GDAP2: variants seen among roughly 807,000 people sequenced by gnomAD.
The protein encoded by GDAP2 is ganglioside-induced differentiation-associated protein 2.
Under a neutral mutation model 67.0 loss-of-function variants are expected in GDAP2, and 51 were observed. The ratio of observed to expected loss-of-function variants is 0.76; its 90% CI spans 0.61 to 0.96. The LOEUF is 0.96. Ranked by LOEUF, GDAP2 falls within the 40% of genes least tolerant of loss-of-function variation. The probability of loss-of-function intolerance (pLI) is 0.00; values close to 1 mark genes in which losing one functional copy is unlikely to be tolerated. For synonymous variants in GDAP2, 203 were observed against 207.3 expected (o/e 0.98, Z 0.18); for missense variants, 547 against 588.3 (o/e 0.93, Z 0.73).
intron 3 of GDAP2, among the ~76,000 whole-genome samples, chr1:117,917,997 G>C (rs1005978619): frequency 2.6e-5 from 4 of 152,066 alleles, no homozygotes; most frequent in African/African-American, 7.2e-5. Context: ...TTCTTTCATA[G>C]AGCCAGCACT....
chr1:117,885,708 C>T (rs1648828170), intron 10 of GDAP2, among the ~76,000 whole-genome samples: 1 of 152,056 alleles, frequency 6.6e-6, no homozygotes, highest in South Asian at 2.1e-4. Context: ...CAGCTTTTGT[C>T]CAACTGGTTT....
intron 12 of GDAP2, 60 bp downstream of exon 12, chr1:117,881,763 A>G: frequency 4.6e-6 from 4 of 860,862 alleles, no homozygotes; most frequent in Non-Finnish European, 8.0e-6. Flanking sequence ...TATTATCTTA[A>G]TACTCTGGGC....
rs1196261013 is a variant in GDAP2, at chr1:117,863,949, T to C, written c.*6620A>G. The stretch of plus-strand genomic sequence containing the variant: ...CTAATTATTCAATTAATATTATCCC[T>C]GTTGAATACACAAAAACACTGAGGT... On this transcript the variant is annotated 3_prime_UTR_variant, in exon 14 of 14. Transcript: ENST00000369443. 2 of 152,200 alleles carry C rather than the reference T, an allele frequency of 1.3e-5. No homozygotes were observed. The highest frequency in any genetic ancestry group is 2.9e-5 in the Non-Finnish European group (2 of 68,042). The allele number at this position is 152,200 out of a possible 1,614,324, so 9.4% of individuals were successfully genotyped here. A position where few individuals can be genotyped will look rare whatever the true frequency, so the allele number is the denominator to read the frequency against.
chr1:117,919,410 A>G (rs1002557002), intron 2 of GDAP2, among the ~76,000 whole-genome samples: 1 of 152,148 alleles, frequency 6.6e-6, no homozygotes, highest in African/African-American at 2.4e-5. Flanking sequence ...TTTGTACTAT[A>G]ATATAGATGA....
At chr1:117,892,723 A>T (rs1649127874) in intron 8 of GDAP2, among the ~76,000 whole-genome samples, 1 of 152,154 alleles carries the variant, frequency 6.6e-6, no homozygotes, top group African/African-American at 2.4e-5. Flanking sequence ...AATATAAGCC[A>T]GTTTCTTCCA....
chr1:117,873,866 C>T (rs1231153233), intron 13 of GDAP2, among the ~76,000 whole-genome samples: 1 of 152,192 alleles, frequency 6.6e-6, no homozygotes, highest in African/African-American at 2.4e-5. Flanking sequence ...CTTCAAATCC[C>T]TGCCATTATC....
intron 8 of GDAP2, among the ~76,000 whole-genome samples, chr1:117,891,253 G>A (rs1034378750): frequency 7.3e-5 from 11 of 150,940 alleles, no homozygotes; most frequent in African/African-American, 2.7e-4. Flanking sequence ...AACTTGTTTT[G>A]CGTGTCTCCT....
chr1:117,927,139 C>G lies in GDAP2; in HGVS notation c.-68+2309G>C, dbSNP rs189837189. 1.5e-3 allele frequency among the ~76,000 whole-genome samples: 227 copies of G among 152,052 alleles called. 1 individual carries two copies. The highest frequency in any genetic ancestry group is 5.2e-3 in the African/African-American group (215 of 41,498). On this transcript the variant is annotated intron_variant, in intron 1 of 13. Coordinates refer to ENST00000369443, the MANE Select transcript of GDAP2 (RefSeq NM_017686.4). ...TCTTCAGTACTTTAGTGAAGAGGAC[C>G]TAAAGACAAAGATAACCCACTATGT...
At chr1:117,913,972 A>T (rs1218466868) in intron 3 of GDAP2, among the ~76,000 whole-genome samples, 1 of 152,170 alleles carries the variant, frequency 6.6e-6, no homozygotes, top group Non-Finnish European at 1.5e-5. Context: ...GCAGCCAGGA[A>T]GACAGCCCTT....
At position 117,867,411 on chromosome 1, in the gene GDAP2, G is replaced by A. The variant is rs533237218; in HGVS notation, c.*3158C>T. The A allele has an allele frequency of 1.2e-3, 180 of 151,816 alleles. No homozygotes were observed. The highest frequency in any genetic ancestry group is 3.8e-3 in the African/African-American group (158 of 41,362). 9.4% of individuals were successfully genotyped at this position (151,816 alleles called of 1,614,324 possible). ...TCCTTTGAAAAAGGAAATACAGGATGGGCACGGTGGCTCATACTGGTAAGC... is the reference window on the plus strand; with the variant it reads ...TCCTTTGAAAAAGGAAATACAGGATAGGCACGGTGGCTCATACTGGTAAGC... On this transcript the variant is annotated 3_prime_UTR_variant, in exon 14 of 14. Transcript: ENST00000369443.
chr1:117,888,224 G>T (rs941973961), intron 8 of GDAP2, among the ~76,000 whole-genome samples: 1 of 152,112 alleles, frequency 6.6e-6, no homozygotes, highest in Non-Finnish European at 1.5e-5. Flanking sequence ...AAAGGACATG[G>T]TTGCCTCCCT....
intron 8 of GDAP2, among the ~76,000 whole-genome samples, chr1:117,890,960 G>A (rs1649058919): frequency 6.6e-6 from 1 of 151,770 alleles, no homozygotes; most frequent in Admixed American, 6.6e-5. Flanking sequence ...AAAACTTTCT[G>A]AGTGCCAACA....
chr1:117,922,248 A>G (rs995270226), intron 1 of GDAP2, among the ~76,000 whole-genome samples: 4 of 152,220 alleles, frequency 2.6e-5, no homozygotes, highest in African/African-American at 9.6e-5. Flanking sequence ...GTAAATGCAA[A>G]TAGAGAAAAC....
chr1:117,907,596 T>C (rs531784887), intron 5 of GDAP2, among the ~76,000 whole-genome samples: 2 of 152,352 alleles, frequency 1.3e-5, no homozygotes, highest in Non-Finnish European at 2.9e-5. Flanking sequence ...GAATTGTCTT[T>C]GATGCTTCCT....
chr1:117,894,615 T>C (rs919100421), intron 8 of GDAP2, among the ~76,000 whole-genome samples: 4 of 152,232 alleles, frequency 2.6e-5, no homozygotes, highest in Admixed American at 1.3e-4. Flanking sequence ...CTTCTGCATA[T>C]TGAAGTGTGA....
rs770620719 is a variant in GDAP2 at position 117,881,883 on chromosome 1, C to T, written c.1248-6G>A. ...CCTTCAAATTCCTCTTGTACCTGAT[C>T]CAAAAATAAAATGACAAAAAAAATC... On this transcript the variant is annotated splice_region_variant and splice_polypyrimidine_tract_variant and intron_variant, in intron 11 of 13. Coordinates refer to ENST00000369443, the MANE Select transcript of GDAP2 (RefSeq NM_017686.4). 2 of 1,532,852 alleles carry T rather than the reference C, an allele frequency of 1.3e-6. No homozygotes were observed. The highest frequency in any genetic ancestry group is 1.1e-5 in the South Asian group (1 of 89,380). 95.0% of individuals were successfully genotyped at this position (1,532,852 alleles called of 1,614,324 possible). A position where few individuals can be genotyped will look rare whatever the true frequency, so the allele number is the denominator to read the frequency against.
In GDAP2 at chr1:117,866,740, C is replaced by T. The variant is rs1188608659; in HGVS notation, c.*3829G>A. ...ATGGTGGTGCATGTCTATAATCTCA[C>T]TTACTGGGGAGGCTGAGACAGGAGA... On this transcript the variant is annotated 3_prime_UTR_variant, in exon 14 of 14. Transcript: ENST00000369443. The T allele has an allele frequency of 1.3e-5, 2 of 151,354 alleles. No individual in the cohort carries two copies. The highest frequency in any genetic ancestry group is 1.9e-4 in the East Asian group (1 of 5,136). 9.4% of individuals were successfully genotyped at this position (151,354 alleles called of 1,614,324 possible). A position where few individuals can be genotyped will look rare whatever the true frequency, so the allele number is the denominator to read the frequency against.
In GDAP2 at chr1:117,920,442, G is replaced by C. The variant is rs144500940; in HGVS notation, c.-67-18C>G. On this transcript the variant is annotated intron_variant, in intron 1 of 13. Coordinates refer to ENST00000369443, the MANE Select transcript of GDAP2 (RefSeq NM_017686.4). ...GACTTTAGCTTTAAGAGAAAAGAAA[G>C]AATCACTTTAATAGAGAAGCACAGA... 2.4e-6 allele frequency: 2 copies of C among 841,936 alleles called. No homozygotes were observed. Among genetic ancestry groups the C allele is most frequent in the East Asian group, 5.0e-5 (2 of 40,230 alleles). The allele number at this position is 841,936 out of a possible 1,614,324, so 52.2% of individuals were successfully genotyped here. A position where few individuals can be genotyped will look rare whatever the true frequency, so the allele number is the denominator to read the frequency against.
intron 5 of GDAP2, among the ~76,000 whole-genome samples, chr1:117,909,498 C>T (rs1003823246): frequency 3.3e-5 from 5 of 152,026 alleles, no homozygotes; most frequent in Admixed American, 2.0e-4. Flanking sequence ...CTAAGGACTT[C>T]GAGTTATATC....
Sources: allele counts gnomAD v4.1 joint callset (sites outside exome capture counted in the v4.1 genomes callset), GRCh38; gene constraint gnomAD v4.1.1; transcripts MANE v1.5; gene names NCBI Gene and HGNC (gene_info 2026-07-23, HGNC 2026-07-21).